AEBP2: variants seen among roughly 807,000 people sequenced by gnomAD.
The protein encoded by AEBP2 is zinc finger protein AEBP2.
Under a neutral mutation model 50.8 loss-of-function variants are expected in AEBP2, and 10 were observed. The observed-to-expected ratio is 0.20, with a 90% CI of 0.12 to 0.33. AEBP2 has a LOEUF of 0.33. Ranked by LOEUF, AEBP2 falls within the 10% of genes least tolerant of loss-of-function variation. The pLI, the probability that AEBP2 is intolerant of heterozygous loss-of-function variation, is 1.00. For missense variants in AEBP2, 570 were observed against 688.0 expected (o/e 0.83, Z 1.92); for synonymous variants, 296 against 261.3 (o/e 1.13, Z -1.28).
intron 1 of AEBP2, among the ~76,000 whole-genome samples, chr12:19,444,241 G>T (rs1265558205): frequency 6.6e-6 from 1 of 152,172 alleles, no homozygotes; most frequent in Non-Finnish European, 1.5e-5. Context: ...ATGGTTGAAT[G>T]AATGAGTCAT....
At chr12:19,430,333 A>G (rs927220682) in intron 1 of AEBP2, among the ~76,000 whole-genome samples, 1 of 152,128 alleles carries the variant, frequency 6.6e-6, no homozygotes, top group Admixed American at 6.6e-5. Flanking sequence ...CCATTGGTCT[A>G]TATATCTGTT....
intron 1 of AEBP2, among the ~76,000 whole-genome samples, chr12:19,409,435 G>T (rs1208574765): frequency 6.6e-6 from 1 of 151,908 alleles, no homozygotes; most frequent in South Asian, 2.1e-4. Context: ...TGTCCCAAAG[G>T]GTTAAAACCT....
intron 1 of AEBP2, chr12:19,445,821 C>T (rs1430784778): frequency 6.6e-6 from 1 of 152,050 alleles, no homozygotes; most frequent in Non-Finnish European, 1.5e-5. Context: ...GGCCTAAAAG[C>T]CTTCATATGA....
chr12:19,517,964 A>G (rs1949344439), intron 7 of AEBP2, 123 bp from the exon 8 acceptor site: 8 of 925,514 alleles, frequency 8.6e-6, no homozygotes, highest in Admixed American at 3.3e-5. Context: ...TTGGAAATAC[A>G]TTTTTATTAT....
intron 5 of AEBP2, among the ~76,000 whole-genome samples, chr12:19,507,402 A>G (rs1388773126): frequency 1.3e-5 from 2 of 152,252 alleles, no homozygotes; most frequent in African/African-American, 2.4e-5. Flanking sequence ...AGGAAAATGA[A>G]GGAACCAAAA....
At chr12:19,421,344 C>CAAAAAAAAAAAAAAAAAAAAAAAA (rs375160231) in intron 1 of AEBP2, among the ~76,000 whole-genome samples, 1 of 82,454 alleles carries the variant, frequency 1.2e-5, no homozygotes, top group Non-Finnish European at 2.2e-5. Flanking sequence ...GACTCTGTCT[C>CAAAAAAAAAAAAAAAAAAAAAAAA]AAAAAAAAAA....
chr12:19,413,480 TAGAACTTAAC>T, intron 1 of AEBP2: 1 of 1,036,300 alleles, frequency 9.6e-7, no homozygotes, highest in Non-Finnish European at 1.5e-6. Flanking sequence ...GCTCACAGAC[TAGAACTTAAC>T]AGAACAATTC....
intron 3 of AEBP2, among the ~76,000 whole-genome samples, chr12:19,493,398 C>CA (rs1428076807): frequency 6.6e-6 from 1 of 151,922 alleles, no homozygotes; most frequent in African/African-American, 2.4e-5. Context: ...TACGCTGTCT[C>CA]AAAAAAATAA....
Position 19,473,373 on chromosome 12 carries a change from T to C in AEBP2, c.987+18T>C, listed in dbSNP as rs1188832355. The C allele has an allele frequency of 6.7e-6, 5 of 749,492 alleles. No homozygotes were observed. In the East Asian group the frequency reaches 1.9e-4, roughly 29 times the overall value. The allele number at this position is 749,492 out of a possible 1,614,324, so 46.4% of individuals were successfully genotyped here. The stretch of plus-strand genomic sequence containing the variant: ...CTTTCAAGGTAAGGATGCATGTATA[T>C]AAAATTTATTTATTTATTTATTTAT... On this transcript the variant is annotated intron_variant, in intron 3 of 7. Transcript: ENST00000266508.
chr12:19,423,402 T>C (rs1229315898), intron 1 of AEBP2, among the ~76,000 whole-genome samples: 3 of 152,150 alleles, frequency 2.0e-5, no homozygotes, highest in African/African-American at 4.8e-5. Flanking sequence ...GAAGCTCCCA[T>C]ACAAGATGCT....
chr12:19,405,181 G>A (rs1339202480), intron 1 of AEBP2, among the ~76,000 whole-genome samples: 2 of 151,808 alleles, frequency 1.3e-5, no homozygotes, highest in Non-Finnish European at 1.5e-5. Context: ...TGTCCGACTC[G>A]TCCTCCCAAA....
chr12:19,428,733 A>G (rs1389082177), intron 1 of AEBP2, among the ~76,000 whole-genome samples: 2 of 152,194 alleles, frequency 1.3e-5, no homozygotes. Context: ...GAATCCCTTG[A>G]ACCTGGGAGG....
At chr12:19,413,397 G>T in intron 1 of AEBP2, 1 of 1,038,538 alleles carries the variant, frequency 9.6e-7, no homozygotes, top group East Asian at 2.4e-5. Context: ...AAACAGAAAA[G>T]ACAACAACAG....
At chr12:19,502,321 A>G (rs1565734199) in intron 5 of AEBP2, among the ~76,000 whole-genome samples, 1 of 151,966 alleles carries the variant, frequency 6.6e-6, no homozygotes, top group Non-Finnish European at 1.5e-5. Flanking sequence ...TTTAGTAGAG[A>G]TGGGGTTTTG....
At chr12:19,496,735 C>G (rs2120478374) in intron 4 of AEBP2, among the ~76,000 whole-genome samples, 1 of 150,696 alleles carries the variant, frequency 6.6e-6, no homozygotes, top group East Asian at 2.0e-4. Flanking sequence ...AATCATGACT[C>G]ACTGCAGCCT....
At chr12:19,511,611 AG>A (rs2120598201) in intron 5 of AEBP2, among the ~76,000 whole-genome samples, 1 of 152,260 alleles carries the variant, frequency 6.6e-6, no homozygotes, top group African/African-American at 2.4e-5. Flanking sequence ...TGACTTGAGG[AG>A]GTCCAGAAGA....
At chr12:19,460,637 C>T (rs981764149) in intron 1 of AEBP2, among the ~76,000 whole-genome samples, 1 of 151,428 alleles carries the variant, frequency 6.6e-6, no homozygotes, top group Non-Finnish European at 1.5e-5. Context: ...TAGGCGTGAG[C>T]CACCACGCCC....
intron 1 of AEBP2, chr12:19,457,206 C>G (rs1948284516): frequency 6.3e-7 from 1 of 1,598,092 alleles, no homozygotes; most frequent in East Asian, 2.2e-5. Flanking sequence ...GTTTCACACC[C>G]AGTGTGTAAG....
At chr12:19,508,394 T>G (rs1447676660) in intron 5 of AEBP2, among the ~76,000 whole-genome samples, 2 of 152,152 alleles carry the variant, frequency 1.3e-5, no homozygotes, top group Non-Finnish European at 2.9e-5. Context: ...GAGACAGTGT[T>G]TTGTTTTTGC....
Sources: gnomAD v4.1 joint callset for allele counts (sites outside exome capture counted in the v4.1 genomes callset) on GRCh38, gnomAD v4.1.1 for gene constraint, MANE v1.5 for transcripts, NCBI Gene and HGNC (gene_info 2026-07-23, HGNC 2026-07-21) for gene names.